PCDHGB3: variants seen among roughly 807,000 people sequenced by gnomAD.
PCDHGB3 encodes the protein protocadherin gamma-B3.
PCDHGB3 carries 40 observed loss-of-function variants against 59.2 expected under a neutral mutation model. That is an observed-to-expected ratio of 0.68 (90% CI 0.52 to 0.88). The LOEUF is 0.88. Among genes scored for constraint, PCDHGB3 ranks in the 40% least tolerant of loss-of-function variants. The pLI, the probability that PCDHGB3 is intolerant of heterozygous loss-of-function variation, is 0.00. For synonymous variants in PCDHGB3, 581 were observed against 503.6 expected (o/e 1.15, Z -2.06); for missense variants, 1,309 against 1,187.9 (o/e 1.10, Z -1.50).
rs1322608789 is a variant in PCDHGB3, at chr5:141,485,671, G to A, written c.2416-9136G>A. 3 of 1,612,860 alleles carry A rather than the reference G, an allele frequency of 1.9e-6. No homozygotes were observed. The highest frequency in any genetic ancestry group is 2.5e-6 in the Non-Finnish European group (3 of 1,179,040). On this transcript the variant is annotated intron_variant, in intron 1 of 3. Coordinates refer to ENST00000576222, the MANE Select transcript of PCDHGB3 (RefSeq NM_018924.5). This position sits in a 1 kb window ranked among gnomAD's most constrained non-coding sequence, Gnocchi z 5.7. Reference sequence around the variant, plus strand: ...AGGATGCAGATGTGGGGAGCAATTCGATTAGCAGCTATAGGCTGAGCTCCA... The same window carrying A: ...AGGATGCAGATGTGGGGAGCAATTCAATTAGCAGCTATAGGCTGAGCTCCA...
At chr5:141,496,892 A>AG (rs1372616572) in intron 2 of PCDHGB3, among the ~76,000 whole-genome samples, 1 of 151,766 alleles carries the variant, frequency 6.6e-6, no homozygotes, top group Non-Finnish European at 1.5e-5. Flanking sequence ...AACACTTAAA[A>AG]AAAAAAAAAA....
chr5:141,404,754 A>G, intron 1 of PCDHGB3: 1 of 1,612,286 alleles, frequency 6.2e-7, no homozygotes, highest in Non-Finnish European at 8.5e-7. Flanking sequence ...TCAGGCCAGA[A>G]TGCTTGGCTC....
intron 1 of PCDHGB3, chr5:141,440,405 CCACTG>C (rs2098176019): frequency 6.6e-6 from 1 of 152,126 alleles, no homozygotes; most frequent in South Asian, 2.1e-4. Flanking sequence ...GGCAATCGCA[CCACTG>C]CACTCCAGCC....
intron 1 of PCDHGB3, chr5:141,387,741 G>T: frequency 1.5e-6 from 2 of 1,332,868 alleles, no homozygotes; most frequent in Non-Finnish European, 2.0e-6. Context: ...CCTTTACACC[G>T]CTTCCTCCTC....
intron 1 of PCDHGB3, among the ~76,000 whole-genome samples, chr5:141,482,238 A>G (rs560354311): frequency 8.5e-5 from 13 of 152,304 alleles, no homozygotes; most frequent in African/African-American, 2.9e-4. Context: ...TTGCCAATAT[A>G]AGTATAGTAC....
chr5:141,396,727 G>T (rs2093426642), intron 1 of PCDHGB3: 1 of 152,114 alleles, frequency 6.6e-6, no homozygotes, highest in Non-Finnish European at 1.5e-5. Flanking sequence ...TACCTGAATT[G>T]ATTGTTGTAA....
rs887814386 is a variant in PCDHGB3, at chr5:141,431,347, G to A, written c.2415+58538G>A. The A allele has an allele frequency of 1.9e-6, 3 of 1,614,098 alleles. No individual in the cohort carries two copies. The highest frequency in any genetic ancestry group is 2.5e-6 in the Non-Finnish European group (3 of 1,180,036). On this transcript the variant is annotated intron_variant, in intron 1 of 3. Coordinates refer to ENST00000576222, the MANE Select transcript of PCDHGB3 (RefSeq NM_018924.5). This position sits in a 1 kb window ranked among gnomAD's most constrained non-coding sequence, Gnocchi z 4.8. ...GTAGTAAGTACCCCGAATTGGTGCT[G>A]AAACGCGCCCTGGACCGCGAAGAAA...
rs71576115 is a variant in PCDHGB3, at chr5:141,463,438, CTTTT to C, written c.2416-31344_2416-31341del. Among the ~76,000 whole-genome samples, 12 of 103,242 alleles carry C rather than the reference CTTTT, an allele frequency of 1.2e-4. No homozygotes were observed. In the South Asian group the frequency reaches 1.6e-3, roughly 14 times the overall value. 67.7% of individuals were successfully genotyped at this position (103,242 alleles called of 152,430 possible). ...GTTTGCGGATCCTCATTTCCTTCTCCTTTTTTTTTTTTTTTTTTTTTTTTTTTTG... is the reference window on the plus strand; with the variant it reads ...GTTTGCGGATCCTCATTTCCTTCTCCTTTTTTTTTTTTTTTTTTTTTTTTG... On this transcript the variant is annotated intron_variant, in intron 1 of 3. Coordinates refer to ENST00000576222, the MANE Select transcript of PCDHGB3 (RefSeq NM_018924.5).
chr5:141,510,995 G>T lies in PCDHGB3; in HGVS notation c.2612G>T (p.Gly871Val). ...STLGGGAGTM[G>V]LSARYGPQFT... is the part of the protein sequence containing the mutation. ...CTGGGAGGGGGTGCCGGCACCATGG[G>T]ATTGAGCGCCCGCTACGGACCCCAG... is the stretch of plus-strand genomic sequence containing the variant. Residue 871 changes from glycine to valine, a missense_variant, in exon 4 of 4, where the codon GGA becomes GTA. Physicochemically the swap from Gly to Val is moderately radical, Grantham distance 109. Coordinates refer to ENST00000576222, the MANE Select transcript of PCDHGB3 (RefSeq NM_018924.5). The T allele has an allele frequency of 6.2e-7, 1 of 1,614,172 alleles. No individual in the cohort carries two copies. Among genetic ancestry groups the T allele is most frequent in the Non-Finnish European group, 8.5e-7 (1 of 1,180,018 alleles).
At chr5:141,452,839 C>A (rs939513310) in intron 1 of PCDHGB3, among the ~76,000 whole-genome samples, 2 of 152,092 alleles carry the variant, frequency 1.3e-5, no homozygotes, top group Non-Finnish European at 2.9e-5. Flanking sequence ...TTGGTCCAGC[C>A]CACACTCTGG....
At chr5:141,405,575 G>C in intron 1 of PCDHGB3, 1 of 598,040 alleles carries the variant, frequency 1.7e-6, no homozygotes. Flanking sequence ...GAGTAGAGTA[G>C]CTGGGACTAC....
intron 1 of PCDHGB3, chr5:141,479,521 T>C (rs4912607): frequency 0.2 from 30,680 of 152,154 alleles, 3,215 homozygotes; most frequent in Admixed American, 0.29. Flanking sequence ...CTGGCCCAGG[T>C]TGGAAGTGGA....
intron 1 of PCDHGB3, among the ~76,000 whole-genome samples, chr5:141,457,912 C>T (rs991917175): frequency 1.3e-5 from 2 of 152,120 alleles, no homozygotes; most frequent in African/African-American, 4.8e-5. Context: ...GGTGTGAGGC[C>T]AGTTCTCCCC....
intron 1 of PCDHGB3, chr5:141,389,862 C>CGTGG (rs2091951757): frequency 6.2e-7 from 1 of 1,613,964 alleles, no homozygotes; most frequent in Non-Finnish European, 8.5e-7. Flanking sequence ...CACGTTGCAC[C>CGTGG]TGGTCTTCGC....
At position 141,490,874 on chromosome 5, in the gene PCDHGB3, A is replaced by T. The variant is rs368927472; in HGVS notation, c.2416-3933A>T. 2 of 1,613,948 alleles carry T rather than the reference A, an allele frequency of 1.2e-6. No homozygotes were observed. Among genetic ancestry groups the T allele is most frequent in the Non-Finnish European group, 1.7e-6 (2 of 1,179,952 alleles). On this transcript the variant is annotated intron_variant, in intron 1 of 3. Transcript: ENST00000576222. The surrounding 1 kb of genome is among the most constrained non-coding windows in gnomAD (Gnocchi z 5.4). The stretch of plus-strand genomic sequence containing the variant: ...CGAGACTCCGGCTCTCCCCCATTGC[A>T]TGCCAACACATCTCTGCATGTGTTT...
chr5:141,460,097 G>A (rs2098982102), intron 1 of PCDHGB3, among the ~76,000 whole-genome samples: 2 of 151,812 alleles, frequency 1.3e-5, no homozygotes, highest in African/African-American at 2.4e-5. Context: ...AATTATACAT[G>A]TAATTATATA....
At chr5:141,393,051 C>T in intron 1 of PCDHGB3, 1 of 1,613,622 alleles carries the variant, frequency 6.2e-7, no homozygotes, top group Non-Finnish European at 8.5e-7. Context: ...TCTGAACCCG[C>T]GCAGCGGCAG....
At position 141,421,474 on chromosome 5, in the gene PCDHGB3, G is replaced by C. The variant is rs1320526226; in HGVS notation, c.2415+48665G>C. 4 of 1,614,132 alleles carry C rather than the reference G, an allele frequency of 2.5e-6. No homozygotes were observed. The African/African-American group carries it at 5.3e-5, about 21-fold the overall frequency. On this transcript the variant is annotated intron_variant, in intron 1 of 3. Coordinates refer to ENST00000576222, the MANE Select transcript of PCDHGB3 (RefSeq NM_018924.5). ...GCTTTTCGCTGTGAATCCGCGAAGCGGCAGCTTGATCACGGCAGGCAGGAT... is the reference window on the plus strand; with the variant it reads ...GCTTTTCGCTGTGAATCCGCGAAGCCGCAGCTTGATCACGGCAGGCAGGAT...
At chr5:141,434,807 A>G (rs2097718601) in intron 1 of PCDHGB3, among the ~76,000 whole-genome samples, 1 of 152,016 alleles carries the variant, frequency 6.6e-6, no homozygotes, top group South Asian at 2.1e-4. Context: ...AGCTTGGAGA[A>G]ATATATCCCT....
Sources: gnomAD v4.1 joint callset for allele counts (sites outside exome capture counted in the v4.1 genomes callset) on GRCh38, gnomAD v4.1.1 for gene constraint, Gnocchi (gnomAD v3.1) non-coding constraint, MANE v1.5 for transcripts, NCBI Gene and HGNC (gene_info 2026-07-23, HGNC 2026-07-21) for gene names.